The following MACROD2 variants were observed in gnomAD, a reference collection of about 807,000 sequenced individuals.
MACROD2 encodes the protein mono-ADP ribosylhydrolase 2, also known as ADP-ribose glycohydrolase MACROD2.
Under a neutral mutation model 70.4 loss-of-function variants are expected in MACROD2, and 36 were observed. The ratio of observed to expected loss-of-function variants is 0.51; its 90% CI spans 0.39 to 0.68. The LOEUF is 0.68. Among genes scored for constraint, MACROD2 ranks in the 30% least tolerant of loss-of-function variants. The probability of loss-of-function intolerance (pLI) is 0.00; values close to 1 mark genes in which losing one functional copy is unlikely to be tolerated. For synonymous variants in MACROD2, 172 were observed against 178.8 expected, an observed-to-expected ratio of 0.96 and a Z score of 0.30; for missense variants, 496 against 538.4, an observed-to-expected ratio of 0.92 and a Z score of 0.78.
chr20:14,311,804 C>T (rs2082569901), intron 3 of MACROD2, among the ~76,000 whole-genome samples: 1 of 152,190 alleles, frequency 6.6e-6, no homozygotes, highest in Admixed American at 6.5e-5. Context: ...AGGCGTGAGC[C>T]ACCGCACCCG....
intron 5 of MACROD2, among the ~76,000 whole-genome samples, chr20:14,942,762 A>G (rs2074400911): frequency 8.8e-6 from 1 of 114,208 alleles, no homozygotes; most frequent in Non-Finnish European, 1.9e-5. Flanking sequence ...ATTTATGCAT[A>G]TGAGCCTAAA....
intron 3 of MACROD2, among the ~76,000 whole-genome samples, chr20:14,111,273 T>C (rs1279957489): frequency 6.6e-6 from 1 of 151,848 alleles, no homozygotes; most frequent in Non-Finnish European, 1.5e-5. Context: ...AAGAAAACAT[T>C]GGGGAAACTC....
chr20:14,700,346 A>T (rs1256005509), intron 5 of MACROD2, among the ~76,000 whole-genome samples: 4 of 152,066 alleles, frequency 2.6e-5, no homozygotes, highest in Non-Finnish European at 5.9e-5. Context: ...TTATAAGCTG[A>T]GTTTTATAGA....
intron 9 of MACROD2, among the ~76,000 whole-genome samples, chr20:15,874,505 G>A (rs954984947): frequency 1.3e-5 from 2 of 152,036 alleles, no homozygotes; most frequent in South Asian, 4.2e-4. Flanking sequence ...CTTCCACAAT[G>A]GTTGAACTAA....
intron 3 of MACROD2, among the ~76,000 whole-genome samples, chr20:14,380,207 T>C (rs959747323): frequency 2.6e-5 from 4 of 152,124 alleles, no homozygotes; most frequent in Non-Finnish European, 5.9e-5. Flanking sequence ...ATTAATGATA[T>C]TGAGCATCAT....
intron 15 of MACROD2, among the ~76,000 whole-genome samples, chr20:16,034,494 A>G (rs186511139): frequency 3.9e-5 from 6 of 152,116 alleles, no homozygotes; most frequent in Admixed American, 1.3e-4. Flanking sequence ...GTCTGTGCAT[A>G]TGGAATAATA....
chr20:15,638,650 C>T (rs1487853198), intron 8 of MACROD2, among the ~76,000 whole-genome samples: 1 of 152,092 alleles, frequency 6.6e-6, no homozygotes, highest in Non-Finnish European at 1.5e-5. Context: ...TTGACAAATC[C>T]AGATTACAAA....
intron 5 of MACROD2, among the ~76,000 whole-genome samples, chr20:14,845,864 C>T (rs2073134635): frequency 6.6e-6 from 1 of 152,012 alleles, no homozygotes; most frequent in African/African-American, 2.4e-5. Context: ...TGTTCCTTCC[C>T]CCAAACGGCA....
intron 5 of MACROD2, among the ~76,000 whole-genome samples, chr20:15,104,003 A>G (rs1029813761): frequency 1.3e-5 from 2 of 152,178 alleles, no homozygotes; most frequent in Non-Finnish European, 2.9e-5. Context: ...AAAGATGGCT[A>G]TCACACAAGT....
At chr20:15,113,799 T>TGTGTGTGTGTGC (rs1435199929) in intron 5 of MACROD2, among the ~76,000 whole-genome samples, 4 of 146,782 alleles carry the variant, frequency 2.7e-5, no homozygotes, top group South Asian at 2.1e-4. Flanking sequence ...TGTGTGTGTG[T>TGTGTGTGTGTGC]GCTGGAGGGG....
intron 8 of MACROD2, among the ~76,000 whole-genome samples, chr20:15,622,555 T>G (rs1439083707): frequency 6.6e-6 from 1 of 152,090 alleles, no homozygotes; most frequent in Non-Finnish European, 1.5e-5. Flanking sequence ...GTGGATACAC[T>G]GGACACAGGG....
chr20:14,500,702 T>C (rs1272870144), intron 4 of MACROD2, among the ~76,000 whole-genome samples: 2 of 152,224 alleles, frequency 1.3e-5, no homozygotes, highest in African/African-American at 4.8e-5. Flanking sequence ...ATTCTAAAAC[T>C]AAACTTCAAA....
rs1165824435 is a variant in MACROD2 at position 15,862,918 on chromosome 20, T to G, written c.727+92T>G. The G allele has an allele frequency of 1.7e-5, 16 of 914,582 alleles. No homozygotes were observed. In the South Asian group the frequency reaches 2.5e-4, roughly 14 times the overall value. 56.7% of individuals were successfully genotyped at this position (914,582 alleles called of 1,614,324 possible). A position where few individuals can be genotyped will look rare whatever the true frequency, so the allele number is the denominator to read the frequency against. On this transcript the variant is annotated intron_variant, in intron 9 of 17. Transcript: ENST00000684519. The stretch of plus-strand genomic sequence containing the variant: ...TCCTATTGTTTTTCATCTTCAGGAC[T>G]GTTACACATGGTGATCCTGCCAACT...
intron 9 of MACROD2, among the ~76,000 whole-genome samples, chr20:15,869,948 A>G (rs1485827631): frequency 6.6e-6 from 1 of 152,138 alleles, no homozygotes; most frequent in Non-Finnish European, 1.5e-5. Flanking sequence ...TACAGATAGC[A>G]CTGAGAAAGT....
intron 5 of MACROD2, among the ~76,000 whole-genome samples, chr20:14,991,625 A>G (rs746152118): frequency 3.3e-5 from 5 of 152,282 alleles, no homozygotes; most frequent in Non-Finnish European, 5.9e-5. Flanking sequence ...TATTGTTTTT[A>G]TTTATGCACT....
At chr20:15,286,487 C>G (rs2077492664) in intron 6 of MACROD2, among the ~76,000 whole-genome samples, 1 of 144,420 alleles carries the variant, frequency 6.9e-6, no homozygotes, top group Non-Finnish European at 1.5e-5. Context: ...GACAGAGAGC[C>G]TGCCCTTGGG....
rs756759420 is a variant in MACROD2 at position 15,323,142 on chromosome 20, G to T, written c.540+93081G>T. ...TTTGCCTTTGCCAGTTATTGAGCAC[G>T]AGGGGGCAGTAATTGGCAGATTGCC... On this transcript the variant is annotated intron_variant, in intron 6 of 17. Coordinates refer to ENST00000684519, the MANE Select transcript of MACROD2 (RefSeq NM_001351661.2). Among the ~76,000 whole-genome samples the T allele has an allele frequency of 3.3e-5, 5 of 152,146 alleles. 1 individual carries two copies. The highest frequency in any genetic ancestry group is 7.4e-5 in the Non-Finnish European group (5 of 68,024).
chr20:14,409,747 G>A (rs2083729447), intron 3 of MACROD2, among the ~76,000 whole-genome samples: 4 of 152,096 alleles, frequency 2.6e-5, no homozygotes, highest in South Asian at 2.1e-4. Flanking sequence ...GGCTATAAAC[G>A]TGAGGCTTAG....
chr20:14,156,972 AG>A (rs1313154326), intron 3 of MACROD2, among the ~76,000 whole-genome samples: 1 of 152,242 alleles, frequency 6.6e-6, no homozygotes. Flanking sequence ...TTACCATTAA[AG>A]TCATGGATTT....
Sources: gnomAD v4.1 joint callset for allele counts (sites outside exome capture counted in the v4.1 genomes callset) on GRCh38, gnomAD v4.1.1 for gene constraint, MANE v1.5 for transcripts, NCBI Gene and HGNC (gene_info 2026-07-23, HGNC 2026-07-21) for gene names.